Variants in ZNF385D observed in about 807,000 individuals in gnomAD.
The protein encoded by ZNF385D is zinc finger protein 659.
Under a neutral mutation model 35.8 loss-of-function variants are expected in ZNF385D, and 15 were observed. That is an observed-to-expected ratio of 0.42 (90% confidence interval 0.28 to 0.64). The LOEUF (loss-of-function observed/expected upper bound fraction) is 0.64, where lower values mean the gene tolerates loss of function less well. ZNF385D is among the 30% of genes least tolerant of loss of function. The pLI, the probability that ZNF385D is intolerant of heterozygous loss-of-function variation, is 0.23. For synonymous variants in ZNF385D, 212 were observed against 186.8 expected (o/e 1.13, Z -1.10); for missense variants, 474 against 494.6 (o/e 0.96, Z 0.39).
chr3:21,923,496 C>G (rs1281998236), intron 3 of ZNF385D, among the ~76,000 whole-genome samples: 1 of 152,142 alleles, frequency 6.6e-6, no homozygotes, highest in Non-Finnish European at 1.5e-5. Context: ...GACCAGCAAT[C>G]CCATTACTGC....
intron 3 of ZNF385D, among the ~76,000 whole-genome samples, chr3:22,000,037 G>A (rs1198020220): frequency 1.3e-5 from 2 of 152,164 alleles, no homozygotes; most frequent in Non-Finnish European, 2.9e-5. Context: ...CGGGCATGGT[G>A]GCTCACGCCT....
At chr3:22,019,090 G>C (rs966253302) in intron 3 of ZNF385D, among the ~76,000 whole-genome samples, 1 of 116,070 alleles carries the variant, frequency 8.6e-6, no homozygotes, top group Non-Finnish European at 1.7e-5. Context: ...ATCCCTGTAG[G>C]GTTCTGGCTT....
intron 2 of ZNF385D, among the ~76,000 whole-genome samples, chr3:21,660,284 T>C (rs145298494): frequency 6.6e-6 from 1 of 152,186 alleles, no homozygotes; most frequent in Non-Finnish European, 1.5e-5. Context: ...GCAAAAGTTA[T>C]CCTCTTTTAT....
chr3:21,760,464 G>T (rs757367881), intron 3 of ZNF385D, among the ~76,000 whole-genome samples: 3 of 152,176 alleles, frequency 2.0e-5, no homozygotes, highest in Non-Finnish European at 4.4e-5. Context: ...CACCTTTGTG[G>T]TAGTGAACTT....
chr3:21,997,969 T>G lies in ZNF385D; in HGVS notation c.325+170848A>C, dbSNP rs145705770. Among the ~76,000 whole-genome samples, 8 of 151,854 alleles carry G rather than the reference T, an allele frequency of 5.3e-5. No individual in the cohort carries two copies. In the East Asian group the frequency reaches 9.7e-4, roughly 18 times the overall value. ...AGATAGAAGATCAGTAAGACTTGTT[T>G]TGATAACCCTGCAGATCAAAACAGG... is the stretch of plus-strand genomic sequence containing the variant. On this transcript the variant is annotated intron_variant, in intron 3 of 5. Transcript: ENST00000494108.
At chr3:22,111,363 A>G (rs1025045535) in intron 3 of ZNF385D, among the ~76,000 whole-genome samples, 1 of 151,932 alleles carries the variant, frequency 6.6e-6, no homozygotes. Flanking sequence ...TAGTAAGTTC[A>G]AGCAGATGCT....
chr3:21,751,229 C>T (rs901682914), upstream of ZNF385D: 65 of 1,209,286 alleles, frequency 5.4e-5, no homozygotes, highest in African/African-American at 1.3e-4. Flanking sequence ...TACAAGCAGA[C>T]CCCTCCACCC....
chr3:21,901,350 C>G lies in ZNF385D; in HGVS notation c.326-236322G>C, dbSNP rs754472680. ...ATCTTCATCATCATATTTACCAATG[C>G]TTTATCTCCAAAGTTTGGAAGCATA... On this transcript the variant is annotated intron_variant, in intron 3 of 5. Coordinates refer to the ZNF385D transcript ENST00000494108. Among the ~76,000 whole-genome samples, 6 of 152,208 alleles carry G rather than the reference C, an allele frequency of 3.9e-5. No homozygotes were observed. In the East Asian group the frequency reaches 5.8e-4, roughly 15 times the overall value.
chr3:21,896,073 A>G (rs981238557), intron 3 of ZNF385D, among the ~76,000 whole-genome samples: 1 of 152,172 alleles, frequency 6.6e-6, no homozygotes, highest in Admixed American at 6.6e-5. Context: ...CCTCTCTTCG[A>G]CATTTGGAAT....
chr3:21,725,156 C>T (rs2068706553), intron 1 of ZNF385D, among the ~76,000 whole-genome samples: 1 of 152,036 alleles, frequency 6.6e-6, no homozygotes, highest in African/African-American at 2.4e-5. Context: ...CACGATGTAC[C>T]AGAATTTCTG....
At chr3:22,323,025 G>C (rs938195312) in intron 2 of ZNF385D, among the ~76,000 whole-genome samples, 3 of 152,064 alleles carry the variant, frequency 2.0e-5, no homozygotes, top group Admixed American at 1.3e-4. Context: ...TCCTGAAAAC[G>C]ATAGAAAGCA....
At position 22,323,865 on chromosome 3, in the gene ZNF385D, A is replaced by G. The variant is rs564718760; in HGVS notation, c.106+48585T>C. Among the ~76,000 whole-genome samples the G allele has an allele frequency of 2.0e-5, 3 of 152,308 alleles. No homozygotes were observed. The East Asian group carries it at 5.8e-4, about 29-fold the overall frequency. The stretch of plus-strand genomic sequence containing the variant: ...GCCCAGAAAAGTGAGGAAAATTGCT[A>G]AAAGTCACATAACTAATACTTGGTA... On this transcript the variant is annotated intron_variant, in intron 2 of 5. Transcript: ENST00000494108.
At chr3:21,934,006 T>TAAA (rs11388191) in intron 3 of ZNF385D, among the ~76,000 whole-genome samples, 6 of 150,026 alleles carry the variant, frequency 4.0e-5, no homozygotes, top group Non-Finnish European at 7.4e-5. Context: ...CACTGGTAAT[T>TAAA]AAAAAAAAAA....
chr3:22,349,947 AAAT>A (rs1427482519), intron 2 of ZNF385D, among the ~76,000 whole-genome samples: 1 of 152,190 alleles, frequency 6.6e-6, no homozygotes, highest in Admixed American at 6.5e-5. Flanking sequence ...TACAAGTGTG[AAAT>A]AATAATAATG....
chr3:22,158,207 G>C (rs914796350), intron 3 of ZNF385D, among the ~76,000 whole-genome samples: 4 of 152,006 alleles, frequency 2.6e-5, no homozygotes, highest in African/African-American at 9.7e-5. Context: ...CTGGGCAGGT[G>C]AGTTATATCT....
At chr3:21,807,794 C>A (rs2072720926) in intron 3 of ZNF385D, among the ~76,000 whole-genome samples, 1 of 152,048 alleles carries the variant, frequency 6.6e-6, no homozygotes, top group Non-Finnish European at 1.5e-5. Flanking sequence ...TCAAATATGG[C>A]AGGATTTGAA....
intron 3 of ZNF385D, among the ~76,000 whole-genome samples, chr3:21,963,691 C>A (rs1171520091): frequency 6.6e-6 from 1 of 152,060 alleles, no homozygotes; most frequent in African/African-American, 2.4e-5. Flanking sequence ...ATATTACAGA[C>A]CTCTTTATAT....
At chr3:21,814,229 C>T (rs1329769250) in intron 3 of ZNF385D, among the ~76,000 whole-genome samples, 1 of 152,180 alleles carries the variant, frequency 6.6e-6, no homozygotes, top group Non-Finnish European at 1.5e-5. Context: ...CAACTGGTAC[C>T]AGCCACTGCA....
intron 3 of ZNF385D, chr3:22,134,292 C>A (rs867007210): frequency 6.6e-6 from 1 of 151,696 alleles, no homozygotes; most frequent in African/African-American, 2.4e-5. Context: ...TAATTCAGAA[C>A]AAAAAAATTA....
Sources: gnomAD v4.1 joint callset for allele counts (sites outside exome capture counted in the v4.1 genomes callset) on GRCh38, gnomAD v4.1.1 for gene constraint, MANE v1.5 for transcripts, NCBI Gene and HGNC (gene_info 2026-07-23, HGNC 2026-07-21) for gene names.